MPPED2: variants seen among roughly 807,000 people sequenced by gnomAD.
MPPED2 encodes the protein metallophosphoesterase domain containing 2.
In MPPED2, 5 loss-of-function variants were observed where a neutral mutation model predicts 33.0. The ratio of observed to expected loss-of-function variants is 0.15; its 90% CI spans 0.08 to 0.32. MPPED2 has a LOEUF of 0.32. Among genes scored for constraint, MPPED2 ranks in the 10% least tolerant of loss-of-function variants. MPPED2 has a pLI of 1.00. For synonymous variants in MPPED2, 136 were observed against 141.9 expected, an observed-to-expected ratio of 0.96 and a Z score of 0.29; for missense variants, 275 against 372.1, an observed-to-expected ratio of 0.74 and a Z score of 2.15.
downstream of MPPED2, among the ~76,000 whole-genome samples, chr11:30,408,261 T>C (rs1455872968): frequency 6.6e-6 from 1 of 152,202 alleles, no homozygotes; most frequent in Non-Finnish European, 1.5e-5. Context: ...CATTGCAGGG[T>C]GTTTCAGCGA....
chr11:30,547,673 G>A (rs184049017), intron 2 of MPPED2, among the ~76,000 whole-genome samples: 58 of 152,154 alleles, frequency 3.8e-4, no homozygotes, highest in Non-Finnish European at 6.5e-4. Flanking sequence ...AGGTTCAATC[G>A]ACTTCCCCTC....
At position 30,586,141 on chromosome 11, in the gene MPPED2, G is replaced by T. The variant is rs1469366729; in HGVS notation, c.-221C>A. The T allele has an allele frequency of 6.6e-6, 1 of 152,600 alleles. No homozygotes were observed. Among genetic ancestry groups the T allele is most frequent in the African/African-American group, 2.4e-5 (1 of 41,452 alleles). The allele number at this position is 152,600 out of a possible 1,614,324, so 9.5% of individuals were successfully genotyped here. A position where few individuals can be genotyped will look rare whatever the true frequency, so the allele number is the denominator to read the frequency against. On this transcript the variant is annotated 5_prime_UTR_variant, in exon 1 of 7. Coordinates refer to ENST00000358117, the MANE Select transcript of MPPED2 (RefSeq NM_001584.3). The surrounding 1 kb of genome is among the most constrained non-coding windows in gnomAD (Gnocchi z 4.8). ...CCGAGCCGGCTGGAGGAGCGCTGGG[G>T]GCGCGCGGGGGCGGCGAGGGGCGCG...
At chr11:30,526,826 T>G (rs1954215153) in intron 3 of MPPED2, among the ~76,000 whole-genome samples, 1 of 152,196 alleles carries the variant, frequency 6.6e-6, no homozygotes, top group African/African-American at 2.4e-5. Flanking sequence ...TCTGAAGTGA[T>G]TCTTTGGGAA....
chr11:30,525,891 T>C (rs11031122), intron 3 of MPPED2, among the ~76,000 whole-genome samples: 26,953 of 152,144 alleles, frequency 0.18, 3,008 homozygotes, highest in Non-Finnish European at 0.25. Context: ...TTCACATGGA[T>C]CACAAAAGAC....
chr11:30,491,197 TTAA>T (rs1182190846), intron 4 of MPPED2, among the ~76,000 whole-genome samples: 64 of 152,206 alleles, frequency 4.2e-4, no homozygotes, highest in African/African-American at 1.5e-3. Context: ...ACGTTGCTTC[TTAA>T]TAATAAAAGA....
intron 6 of MPPED2, among the ~76,000 whole-genome samples, chr11:30,412,736 G>T (rs1418737618): frequency 2.0e-5 from 3 of 152,190 alleles, no homozygotes; most frequent in Admixed American, 6.5e-5. Flanking sequence ...GTGAATAAAA[G>T]TGAGACAAGT....
At chr11:30,405,831 T>A (rs1778928873), downstream of MPPED2, among the ~76,000 whole-genome samples, 1 of 152,142 alleles carries the variant, frequency 6.6e-6, no homozygotes, top group African/African-American at 2.4e-5. Context: ...CAGGGTCCTG[T>A]CGATATTAAT....
intron 2 of MPPED2, among the ~76,000 whole-genome samples, chr11:30,562,946 T>C (rs900594612): frequency 6.6e-6 from 1 of 152,086 alleles, no homozygotes; most frequent in African/African-American, 2.4e-5. Context: ...GGGTTTATGG[T>C]TCTATATTAT....
At chr11:30,402,911 G>A (rs2133711266) in intron 6 of MPPED2, among the ~76,000 whole-genome samples, 1 of 152,246 alleles carries the variant, frequency 6.6e-6, no homozygotes, top group South Asian at 2.1e-4. Context: ...TGCAGCTTAC[G>A]ATTAGCTCTG....
intron 6 of MPPED2, among the ~76,000 whole-genome samples, chr11:30,398,160 A>G (rs962117212): frequency 6.6e-6 from 1 of 152,182 alleles, no homozygotes; most frequent in African/African-American, 2.4e-5. Flanking sequence ...TAGCAGAGTT[A>G]AATTTGCCTC....
chr11:30,539,022 C>G (rs936070840), intron 2 of MPPED2, among the ~76,000 whole-genome samples: 3 of 152,162 alleles, frequency 2.0e-5, no homozygotes, highest in African/African-American at 7.2e-5. Flanking sequence ...TTTCCACCCA[C>G]AGGCATAGAG....
At chr11:30,497,033 G>A (rs1565126193) in intron 3 of MPPED2, among the ~76,000 whole-genome samples, 1 of 152,178 alleles carries the variant, frequency 6.6e-6, no homozygotes, top group Non-Finnish European at 1.5e-5. Flanking sequence ...GAAACGCTGA[G>A]GCCAAGCAGC....
intron 2 of MPPED2, among the ~76,000 whole-genome samples, chr11:30,537,752 C>T (rs1052642746): frequency 1.1e-4 from 16 of 152,080 alleles, no homozygotes; most frequent in African/African-American, 3.1e-4. Flanking sequence ...GTTTAACTTC[C>T]GCAAAAAATT....
intron 2 of MPPED2, among the ~76,000 whole-genome samples, chr11:30,567,708 A>T (rs1017473769): frequency 3.2e-4 from 48 of 152,240 alleles, no homozygotes; most frequent in African/African-American, 1.1e-3. Context: ...AATATTTAGA[A>T]ATGGTGCTTT....
rs148952353 is a variant in MPPED2 at position 30,566,936 on chromosome 11, A to T, written c.128+13310T>A. On this transcript the variant is annotated intron_variant, in intron 2 of 6. Transcript: ENST00000358117. ...ACAGGGGCTCCCTAAAAAGGGGACA[A>T]AGCTAGAGAGAGAAAATAGTGTTTA... Among the ~76,000 whole-genome samples the T allele has an allele frequency of 3.1e-3, 473 of 152,288 alleles. 1 individual carries two copies. The highest frequency in any genetic ancestry group is 0.02 in the Middle Eastern group (6 of 294).
intron 4 of MPPED2, among the ~76,000 whole-genome samples, chr11:30,464,195 G>A (rs1266525223): frequency 2.0e-5 from 3 of 150,132 alleles, no homozygotes; most frequent in African/African-American, 7.4e-5. Context: ...TGGATCTCAT[G>A]GACTAGTAAA....
Position 30,495,280 on chromosome 11 carries a change from T to C in MPPED2, c.536+16A>G, listed in dbSNP as rs1206601419. The C allele has an allele frequency of 1.9e-6, 3 of 1,576,620 alleles. No homozygotes were observed. The highest frequency in any genetic ancestry group is 1.1e-5 in the South Asian group (1 of 90,278). On this transcript the variant is annotated intron_variant, in intron 4 of 6. Coordinates refer to ENST00000358117, the MANE Select transcript of MPPED2 (RefSeq NM_001584.3). ...GCTAAAAAGCAATGTGGAAAACTGT[T>C]TGAATCATCACTTACCAAGGTGCAC...
chr11:30,424,323 G>A (rs997972690), intron 4 of MPPED2, among the ~76,000 whole-genome samples: 1 of 152,138 alleles, frequency 6.6e-6, no homozygotes, highest in African/African-American at 2.4e-5. Flanking sequence ...CTCAGAAACC[G>A]GGAGCCAATT....
At chr11:30,447,266 G>A (rs1275633909) in intron 4 of MPPED2, among the ~76,000 whole-genome samples, 4 of 152,152 alleles carry the variant, frequency 2.6e-5, no homozygotes, top group African/African-American at 9.7e-5. Flanking sequence ...CGTAACTTCC[G>A]ACAGTCTGAT....
Sources: allele counts gnomAD v4.1 joint callset (sites outside exome capture counted in the v4.1 genomes callset), GRCh38; gene constraint gnomAD v4.1.1; non-coding constraint Gnocchi (gnomAD v3.1); transcripts MANE v1.5; gene names NCBI Gene and HGNC (gene_info 2026-07-23, HGNC 2026-07-21).